Variants in MRPS25 observed in about 807,000 individuals in gnomAD.
MRPS25 encodes the protein small ribosomal subunit protein mS25.
In MRPS25, 15 loss-of-function variants were observed where a neutral mutation model predicts 17.3. The observed-to-expected ratio is 0.87, with a 90% CI of 0.58 to 1.34. The LOEUF (loss-of-function observed/expected upper bound fraction) is 1.34. Among genes scored for constraint, MRPS25 ranks in the 40% most tolerant of loss-of-function variants. The probability of loss-of-function intolerance (pLI) is 0.00; values close to 1 mark genes in which losing one functional copy is unlikely to be tolerated. For missense variants in MRPS25, 225 were observed against 218.6 expected (o/e 1.03, Z -0.19); for synonymous variants, 94 against 83.3 (o/e 1.13, Z -0.70).
Position 15,050,971 on chromosome 3 carries a change from C to T in MRPS25, c.*1470G>A, listed in dbSNP as rs1332362464. 15 of 985,216 alleles carry T rather than the reference C, an allele frequency of 1.5e-5. No homozygotes were observed. Among genetic ancestry groups the T allele is most frequent in the Non-Finnish European group, 1.8e-5 (15 of 829,872 alleles). The allele number at this position is 985,216 out of a possible 1,614,324, so 61.0% of individuals were successfully genotyped here. ...GGTAACCTTTTCCCCATTTTACAGA[C>T]AAAACCAGTTACAGACCTGGAAAGC... On this transcript the variant is annotated 3_prime_UTR_variant, in exon 4 of 4. Coordinates refer to ENST00000253686, the MANE Select transcript of MRPS25 (RefSeq NM_022497.5).
At chr3:15,056,708 G>T (rs968527887) in intron 2 of MRPS25, among the ~76,000 whole-genome samples, 6 of 152,236 alleles carry the variant, frequency 3.9e-5, no homozygotes, top group Non-Finnish European at 8.8e-5. Flanking sequence ...GGAGGGCTCT[G>T]CTGACACTGG....
At chr3:15,057,250 G>A (rs548963303) in intron 2 of MRPS25, among the ~76,000 whole-genome samples, 135 of 152,300 alleles carry the variant, frequency 8.9e-4, no homozygotes, top group African/African-American at 2.8e-3. Flanking sequence ...GCTGGCCAAC[G>A]CTCCCAGAGC....
At chr3:15,064,190 C>T (rs1027835685) in intron 1 of MRPS25, among the ~76,000 whole-genome samples, 16 of 152,304 alleles carry the variant, frequency 1.1e-4, no homozygotes, top group African/African-American at 3.1e-4. Context: ...TCCTCCATCA[C>T]TGCTGAACTC....
At chr3:15,055,249 C>G (rs2042655873) in intron 2 of MRPS25, among the ~76,000 whole-genome samples, 1 of 152,200 alleles carries the variant, frequency 6.6e-6, no homozygotes, top group Non-Finnish European at 1.5e-5. Context: ...CCATCACACC[C>G]TACCTCAATA....
At chr3:15,062,980 C>G (rs1054893696) in intron 1 of MRPS25, among the ~76,000 whole-genome samples, 23 of 151,968 alleles carry the variant, frequency 1.5e-4, no homozygotes, top group African/African-American at 5.6e-4. Flanking sequence ...TGCTGACCTT[C>G]CCTCCACTAT....
At chr3:15,062,430 T>C (rs1443763718) in intron 1 of MRPS25, among the ~76,000 whole-genome samples, 1 of 26,380 alleles carries the variant, frequency 3.8e-5, no homozygotes, top group African/African-American at 1.3e-4. Context: ...AGCCGCCCCA[T>C]CCGGGAGGGA....
In MRPS25 at chr3:15,053,411, C is replaced by T; in HGVS notation, c.298G>A (p.Glu100Lys). 1 of 1,614,128 alleles carries T rather than the reference C, an allele frequency of 6.2e-7. No individual in the cohort carries two copies. The highest frequency in any genetic ancestry group is 8.5e-7 in the Non-Finnish European group (1 of 1,180,028). ...VETKSNKEIM[E>K]HIRKILGKNE... ...TTCCCCAAGATTTTTCTGATGTGCT[C>T]CATGATCTCCTTATTGCTCTTGGTC... The change falls in exon 3 of 4, where the codon GAG becomes AAG. Residue 100 changes from glutamate to lysine, a missense_variant. Glu to Lys is a moderately conservative substitution (Grantham distance 56). Transcript: ENST00000253686.
rs1036012052 is a variant in MRPS25 at position 15,050,229 on chromosome 3, T to G, written c.*2212A>C. 5 of 1,160,972 alleles carry G rather than the reference T, an allele frequency of 4.3e-6. No homozygotes were observed. The highest frequency in any genetic ancestry group is 5.3e-6 in the Non-Finnish European group (5 of 940,616). 71.9% of individuals were successfully genotyped at this position (1,160,972 alleles called of 1,614,324 possible). ...TGAAGCTGGCCACACAGGCAGTAAC[T>G]GCACCACAGGACTGCTGCTGTCTCC... On this transcript the variant is annotated 3_prime_UTR_variant, in exon 4 of 4. Coordinates refer to ENST00000253686, the MANE Select transcript of MRPS25 (RefSeq NM_022497.5).
rs568961317 is a variant in MRPS25, at chr3:15,060,531, A to G, written c.135-1056T>C. Among the ~76,000 whole-genome samples, 399 of 151,420 alleles carry G rather than the reference A, an allele frequency of 2.6e-3. 2 individuals carry two copies. Among genetic ancestry groups the G allele is most frequent in the Non-Finnish European group, 4.0e-3 (270 of 67,814 alleles). On this transcript the variant is annotated intron_variant, in intron 1 of 3. Coordinates refer to ENST00000253686, the MANE Select transcript of MRPS25 (RefSeq NM_022497.5). ...GTCCTCTCTCAAAAAAAAAAAAAAAAAAAGAAAAGTGGCTCTCTGAGGATG... is the reference window on the plus strand; with the variant it reads ...GTCCTCTCTCAAAAAAAAAAAAAAAGAAAGAAAAGTGGCTCTCTGAGGATG...
Position 15,052,381 on chromosome 3 carries a change from C to A in MRPS25, c.*60G>T. On this transcript the variant is annotated 3_prime_UTR_variant, in exon 4 of 4. Transcript: ENST00000253686. Reference sequence around the variant, plus strand: ...AGGGGCTTCCCTGGGCCAAAGTAATCCCATTCCAATCTCCCCACTGGTCAG... The same window carrying A: ...AGGGGCTTCCCTGGGCCAAAGTAATACCATTCCAATCTCCCCACTGGTCAG... 6.4e-7 allele frequency: 1 copy of A among 1,559,346 alleles called. No homozygotes were observed.
intron 2 of MRPS25, 69 bp from the exon 3 acceptor site, chr3:15,053,536 A>C: frequency 6.3e-7 from 1 of 1,584,492 alleles, no homozygotes; most frequent in Non-Finnish European, 8.7e-7. Flanking sequence ...AAAAGTTGTA[A>C]TTTGGGACTT....
rs61455217 is a variant in MRPS25 at position 15,053,536 on chromosome 3, AT to A, written c.242-70del. 5.8e-3 allele frequency: 9,201 copies of A among 1,584,476 alleles called. 446 individuals are homozygous for A. The African/African-American group carries it at 0.11, about 18-fold the overall frequency. ...GCGCACTCAGCCTCAAAAAGTTGTA[AT>A]TTGGGACTTGCTTTTAGTGGCAGAA... On this transcript the variant is annotated intron_variant, in intron 2 of 3. Coordinates refer to ENST00000253686, the MANE Select transcript of MRPS25 (RefSeq NM_022497.5).
chr3:15,050,541 C>G lies in MRPS25; in HGVS notation c.*1900G>C. On this transcript the variant is annotated 3_prime_UTR_variant, in exon 4 of 4. Coordinates refer to ENST00000253686, the MANE Select transcript of MRPS25 (RefSeq NM_022497.5). ...GTGCTTTCTGAAGAGCCCTTGCAGC[C>G]AAGTAGAACGCCCAGGCAGGTGGTA... is the stretch of plus-strand genomic sequence containing the variant. 2.0e-6 allele frequency: 2 copies of G among 985,538 alleles called. No homozygotes were observed. Among genetic ancestry groups the G allele is most frequent in the South Asian group, 4.7e-5 (1 of 21,288 alleles). The allele number at this position is 985,538 out of a possible 1,614,324, so 61.0% of individuals were successfully genotyped here. A position where few individuals can be genotyped will look rare whatever the true frequency, so the allele number is the denominator to read the frequency against.
chr3:15,045,015 C>T (rs932377497), downstream of MRPS25: 1 of 152,142 alleles, frequency 6.6e-6, no homozygotes, highest in Non-Finnish European at 1.5e-5. Flanking sequence ...TTAATTTTGC[C>T]AGCTTAAAGT....
At chr3:15,042,663 A>AT (rs943002638), downstream of MRPS25, 12 of 598,668 alleles carry the variant, frequency 2.0e-5, no homozygotes, top group African/African-American at 2.2e-4. Flanking sequence ...GTTTTTTCTC[A>AT]TGATAAATTT....
chr3:15,057,111 GC>G (rs1262031645), intron 2 of MRPS25, among the ~76,000 whole-genome samples: 1 of 152,204 alleles, frequency 6.6e-6, no homozygotes, highest in Non-Finnish European at 1.5e-5. Flanking sequence ...CCCAGGAGTT[GC>G]CGCTGAGCTG....
chr3:15,058,006 C>G (rs1035461164), intron 2 of MRPS25, among the ~76,000 whole-genome samples: 2 of 151,466 alleles, frequency 1.3e-5, no homozygotes, highest in African/African-American at 2.4e-5. Context: ...CTCAGCCCCC[C>G]AAGTAGCTGG....
chr3:15,043,078 G>GGT (rs1173497375), downstream of MRPS25: 26 of 1,417,296 alleles, frequency 1.8e-5, no homozygotes, highest in Non-Finnish European at 2.4e-5. Flanking sequence ...GAAAAGTAGT[G>GGT]GTATTTTGGT....
Position 15,049,878 on chromosome 3 carries a change from C to T in MRPS25, c.*2563G>A. On this transcript the variant is annotated 3_prime_UTR_variant, in exon 4 of 4. Coordinates refer to ENST00000253686, the MANE Select transcript of MRPS25 (RefSeq NM_022497.5). The stretch of plus-strand genomic sequence containing the variant: ...CAAGTGATCCTCCTGCCTCAGCCTC[C>T]TGAGTAACTGGGACCACAGCAGATG... 1 of 1,510,062 alleles carries T rather than the reference C, an allele frequency of 6.6e-7. No homozygotes were observed. Among genetic ancestry groups the T allele is most frequent in the Non-Finnish European group, 8.9e-7 (1 of 1,124,988 alleles). 93.5% of individuals were successfully genotyped at this position (1,510,062 alleles called of 1,614,324 possible). A position where few individuals can be genotyped will look rare whatever the true frequency, so the allele number is the denominator to read the frequency against.
Sources: allele counts gnomAD v4.1 joint callset (sites outside exome capture counted in the v4.1 genomes callset), GRCh38; gene constraint gnomAD v4.1.1; transcripts MANE v1.5; gene names NCBI Gene and HGNC (gene_info 2026-07-23, HGNC 2026-07-21).